ADGRL3: variants seen among roughly 807,000 people sequenced by gnomAD.
ADGRL3 encodes calcium-independent alpha-latrotoxin receptor 3.
A neutral mutation model predicts 153.5 loss-of-function variants in ADGRL3; 62 were observed. The observed-to-expected ratio is 0.40, with a 90% CI of 0.33 to 0.50. The LOEUF is 0.50. Among genes scored for constraint, ADGRL3 ranks in the 20% least tolerant of loss-of-function variants. The pLI, the probability that ADGRL3 is intolerant of heterozygous loss-of-function variation, is 0.47. For synonymous variants in ADGRL3, 710 were observed against 672.5 expected, an observed-to-expected ratio of 1.06 and a Z score of -0.86; for missense variants, 1,641 against 1,859.4, an observed-to-expected ratio of 0.88 and a Z score of 2.16.
chr4:61,707,578 TA>T (rs2151415395), intron 6 of ADGRL3, among the ~76,000 whole-genome samples: 1 of 152,350 alleles, frequency 6.6e-6, no homozygotes, highest in Middle Eastern at 3.4e-3. Flanking sequence ...TTGATTTTTT[TA>T]AGGTTATGTT....
chr4:61,243,625 T>C (rs190904697), intron 1 of ADGRL3, among the ~76,000 whole-genome samples: 13 of 152,176 alleles, frequency 8.5e-5, no homozygotes, highest in Admixed American at 8.5e-4. Context: ...AAATAAGGCC[T>C]TTTTGGTTCT....
At position 61,502,656 on chromosome 4, in the gene ADGRL3, C is replaced by T. The variant is rs544620384; in HGVS notation, c.55+5308C>T. Among the ~76,000 whole-genome samples, 5 of 152,050 alleles carry T rather than the reference C, an allele frequency of 3.3e-5. No individual in the cohort carries two copies. The South Asian group carries it at 1.0e-3, about 32-fold the overall frequency. On this transcript the variant is annotated intron_variant, in intron 3 of 26. Transcript: ENST00000683033. ...TGCATATTTGTTTTTATATAATTTT[C>T]ACTTTATTGTTAATCTCTGTTTACA...
At chr4:61,367,259 TAA>T (rs1312311928) in intron 1 of ADGRL3, among the ~76,000 whole-genome samples, 1 of 152,088 alleles carries the variant, frequency 6.6e-6, no homozygotes. Flanking sequence ...TATTATACTT[TAA>T]GTTTTAGGGT....
At chr4:61,975,329 A>T (rs955104240) in intron 17 of ADGRL3, among the ~76,000 whole-genome samples, 9 of 152,124 alleles carry the variant, frequency 5.9e-5, no homozygotes, top group African/African-American at 2.2e-4. Flanking sequence ...AGCCACGCAG[A>T]TATCTTTTGG....
intron 5 of ADGRL3, among the ~76,000 whole-genome samples, chr4:61,657,379 C>T (rs544789738): frequency 1.3e-5 from 2 of 152,048 alleles, no homozygotes; most frequent in East Asian, 3.9e-4. Context: ...CATAGATATA[C>T]ATATATGTCT....
chr4:61,713,933 C>A (rs1291052339), intron 6 of ADGRL3, among the ~76,000 whole-genome samples: 2 of 152,152 alleles, frequency 1.3e-5, no homozygotes, highest in African/African-American at 2.4e-5. Context: ...ACTCAGGATT[C>A]ATGGTCTAGG....
At chr4:61,487,879 C>T (rs2152765070) in intron 2 of ADGRL3, among the ~76,000 whole-genome samples, 1 of 151,982 alleles carries the variant, frequency 6.6e-6, no homozygotes, top group East Asian at 1.9e-4. Flanking sequence ...AAGTGTTTTC[C>T]AAATTAATTG....
rs886214543 is a variant in ADGRL3 at position 62,074,379 on chromosome 4, A to T, written c.*3471A>T. 1.3e-5 allele frequency: 2 copies of T among 152,124 alleles called. No individual in the cohort carries two copies. Among genetic ancestry groups the T allele is most frequent in the Non-Finnish European group, 2.9e-5 (2 of 68,020 alleles). The allele number at this position is 152,124 out of a possible 1,614,324, so 9.4% of individuals were successfully genotyped here. On this transcript the variant is annotated 3_prime_UTR_variant, in exon 27 of 27. Transcript: ENST00000683033. ...TGAAATCTAGTTCACATGACACTTT[A>T]TCAGGGACACTAGCTAATGGACCTC... is the stretch of plus-strand genomic sequence containing the variant.
At chr4:61,791,122 C>A (rs2097336588) in intron 8 of ADGRL3, among the ~76,000 whole-genome samples, 1 of 152,152 alleles carries the variant, frequency 6.6e-6, no homozygotes, top group African/African-American at 2.4e-5. Flanking sequence ...GCCTTCCCAG[C>A]AGTCTCCCAA....
chr4:61,870,845 G>C (rs2098439626), intron 9 of ADGRL3, among the ~76,000 whole-genome samples: 1 of 152,306 alleles, frequency 6.6e-6, no homozygotes, highest in South Asian at 2.1e-4. Context: ...CAGCTGGTGG[G>C]ATTATTAAAT....
intron 1 of ADGRL3, among the ~76,000 whole-genome samples, chr4:61,364,347 T>A (rs63535763): frequency 0.019 from 2,492 of 134,370 alleles, 47 homozygotes; most frequent in African/African-American, 0.036. Context: ...AAAAAAAAAA[T>A]AATAATAATA....
At chr4:61,275,988 A>G (rs563231801) in intron 1 of ADGRL3, among the ~76,000 whole-genome samples, 1 of 152,328 alleles carries the variant, frequency 6.6e-6, no homozygotes, top group African/African-American at 2.4e-5. Flanking sequence ...TGAAAAGACA[A>G]TAAGCTGGCA....
At chr4:61,698,423 G>A (rs1220735805) in intron 6 of ADGRL3, among the ~76,000 whole-genome samples, 1 of 152,098 alleles carries the variant, frequency 6.6e-6, no homozygotes, top group African/African-American at 2.4e-5. Context: ...CTGCACTCCA[G>A]TCTGGGTGAC....
intron 9 of ADGRL3, among the ~76,000 whole-genome samples, chr4:61,876,483 C>G (rs1213880535): frequency 6.6e-6 from 1 of 152,016 alleles, no homozygotes; most frequent in African/African-American, 2.4e-5. Context: ...GAATTAATGT[C>G]TAGAAAATAG....
chr4:61,886,571 T>TA (rs1294937059), intron 9 of ADGRL3, among the ~76,000 whole-genome samples: 1 of 149,778 alleles, frequency 6.7e-6, no homozygotes. Flanking sequence ...AGAAAATTAA[T>TA]ACATTTTATG....
intron 9 of ADGRL3, among the ~76,000 whole-genome samples, chr4:61,870,511 G>A (rs1467763023): frequency 6.6e-6 from 1 of 152,032 alleles, no homozygotes; most frequent in African/African-American, 2.4e-5. Flanking sequence ...CGAAATGAAA[G>A]GACAATCCAC....
intron 4 of ADGRL3, among the ~76,000 whole-genome samples, chr4:61,534,046 T>C (rs775982104): frequency 1.3e-5 from 2 of 152,254 alleles, no homozygotes; most frequent in South Asian, 2.1e-4. Flanking sequence ...GAAGAGTTTT[T>C]TCTAGGTTTT....
At chr4:61,433,134 A>C (rs1247848716) in intron 2 of ADGRL3, among the ~76,000 whole-genome samples, 2 of 152,192 alleles carry the variant, frequency 1.3e-5, no homozygotes, top group Admixed American at 1.3e-4. Flanking sequence ...TTATGGGCTC[A>C]TTATATATAA....
chr4:61,947,993 A>G, intron 16 of ADGRL3, 107 bp from the exon 17 acceptor site: 1 of 877,986 alleles, frequency 1.1e-6, no homozygotes. Flanking sequence ...ACATCTCTAA[A>G]AAATTGGAAC....
Sources: allele counts gnomAD v4.1 joint callset (sites outside exome capture counted in the v4.1 genomes callset), GRCh38; gene constraint gnomAD v4.1.1; transcripts MANE v1.5; gene names NCBI Gene and HGNC (gene_info 2026-07-23, HGNC 2026-07-21).